Variants in NCALD observed in about 807,000 individuals in gnomAD.
NCALD encodes neurocalcin delta.
A neutral mutation model predicts 18.6 loss-of-function variants in NCALD; 10 were observed. That is an observed-to-expected ratio of 0.54 (90% CI 0.33 to 0.91). The LOEUF (loss-of-function observed/expected upper bound fraction) is 0.91. Ranked by LOEUF, NCALD falls within the 40% of genes least tolerant of loss-of-function variation. NCALD has a pLI of 0.03. For missense variants in NCALD, 184 were observed against 247.6 expected (o/e 0.74, Z 1.72); for synonymous variants, 88 against 87.4 (o/e 1.01, Z -0.04).
chr8:101,897,315 A>G (rs1163882125), intron 3 of NCALD, among the ~76,000 whole-genome samples: 1 of 148,500 alleles, frequency 6.7e-6, no homozygotes, highest in Non-Finnish European at 1.5e-5. Flanking sequence ...GAATTTAACA[A>G]TGAGATCACA....
chr8:102,023,276 A>C (rs1402553892), intron 1 of NCALD, among the ~76,000 whole-genome samples: 2 of 152,258 alleles, frequency 1.3e-5, no homozygotes. Context: ...CCAACTAGGC[A>C]ACACTGGCCA....
chr8:102,078,932 T>G (rs995221780), intron 1 of NCALD, among the ~76,000 whole-genome samples: 18 of 152,184 alleles, frequency 1.2e-4, no homozygotes, highest in African/African-American at 3.6e-4. Flanking sequence ...TATTAATACT[T>G]GGTAAATGAA....
At chr8:101,771,681 CA>C (rs1468901623) in intron 1 of NCALD, among the ~76,000 whole-genome samples, 1 of 152,074 alleles carries the variant, frequency 6.6e-6, no homozygotes, top group South Asian at 2.1e-4. Flanking sequence ...GTGAAATGGG[CA>C]AGGTTATTAT....
intron 2 of NCALD, among the ~76,000 whole-genome samples, chr8:102,019,266 C>A (rs902516694): frequency 6.6e-6 from 1 of 152,020 alleles, no homozygotes; most frequent in Admixed American, 6.6e-5. Flanking sequence ...ACAGAAAACA[C>A]CTTGTTTTGG....
At chr8:102,006,807 C>T (rs1489497344) in intron 2 of NCALD, among the ~76,000 whole-genome samples, 2 of 152,168 alleles carry the variant, frequency 1.3e-5, no homozygotes, top group African/African-American at 4.8e-5. Flanking sequence ...CTTATTTGTT[C>T]GTTTATTTCT....
intron 1 of NCALD, among the ~76,000 whole-genome samples, chr8:102,081,477 G>A (rs371500187): frequency 6.9e-6 from 1 of 145,712 alleles, no homozygotes; most frequent in East Asian, 2.1e-4. Context: ...AACGGGCCCT[G>A]GGCTTCAAAA....
intron 1 of NCALD, among the ~76,000 whole-genome samples, chr8:102,086,248 A>G (rs190415521): frequency 1.2e-3 from 177 of 152,338 alleles, no homozygotes; most frequent in African/African-American, 4.1e-3. Context: ...ACAGTGTATG[A>G]TTGGAAAAAT....
chr8:101,811,415 A>T (rs1813300179), intron 4 of NCALD, among the ~76,000 whole-genome samples: 3 of 152,144 alleles, frequency 2.0e-5, no homozygotes, highest in African/African-American at 7.2e-5. Context: ...GAGGCTACAG[A>T]ATTGAACAAA....
chr8:101,899,511 G>T (rs1252152730), intron 3 of NCALD, among the ~76,000 whole-genome samples: 1 of 151,890 alleles, frequency 6.6e-6, no homozygotes, highest in African/African-American at 2.4e-5. Context: ...TACAATGTTA[G>T]CTATAGGCGT....
chr8:102,062,896 G>C (rs188715109), intron 1 of NCALD, among the ~76,000 whole-genome samples: 9 of 152,060 alleles, frequency 5.9e-5, no homozygotes, highest in African/African-American at 1.9e-4. Flanking sequence ...ATAGAGGTGG[G>C]GTCAGAGAGG....
chr8:101,856,198 G>T (rs1238665419), intron 4 of NCALD, among the ~76,000 whole-genome samples: 1 of 152,094 alleles, frequency 6.6e-6, no homozygotes, highest in Admixed American at 6.5e-5. Flanking sequence ...TTAAGACAGG[G>T]TCTTGCTCTG....
intron 3 of NCALD, among the ~76,000 whole-genome samples, chr8:101,896,219 C>A (rs1418789523): frequency 6.6e-6 from 1 of 152,072 alleles, no homozygotes; most frequent in Non-Finnish European, 1.5e-5. Context: ...CACATATCTA[C>A]AACCATCTGA....
intron 4 of NCALD, among the ~76,000 whole-genome samples, chr8:101,830,130 T>C (rs776108624): frequency 1.2e-4 from 18 of 152,178 alleles, no homozygotes; most frequent in Non-Finnish European, 1.6e-4. Context: ...TCTTTCCGTT[T>C]GGATGTCGTG....
At chr8:102,119,817 T>A (rs1825892161) in intron 1 of NCALD, among the ~76,000 whole-genome samples, 1 of 152,214 alleles carries the variant, frequency 6.6e-6, no homozygotes, top group African/African-American at 2.4e-5. Context: ...GGACTAGATC[T>A]TATTCAGCCT....
chr8:101,724,898 A>G (rs1459926283), intron 1 of NCALD, among the ~76,000 whole-genome samples: 1 of 152,216 alleles, frequency 6.6e-6, no homozygotes, highest in African/African-American at 2.4e-5. Context: ...ACAATCCATA[A>G]AAAGTCAGAA....
At chr8:101,719,034 A>T (rs1254922609) in intron 2 of NCALD, among the ~76,000 whole-genome samples, 1 of 152,154 alleles carries the variant, frequency 6.6e-6, no homozygotes, top group Non-Finnish European at 1.5e-5. Flanking sequence ...GAGTCCCACT[A>T]GTCTAGTTTT....
intron 2 of NCALD, among the ~76,000 whole-genome samples, chr8:101,920,326 G>A (rs996819879): frequency 2.6e-5 from 4 of 152,052 alleles, no homozygotes; most frequent in African/African-American, 9.7e-5. Flanking sequence ...AAAACTTTAA[G>A]AAAGTTCTTA....
rs111743314 is a variant in NCALD, at chr8:101,809,545, T to A, written c.-20+77596A>T. On this transcript the variant is annotated intron_variant, in intron 4 of 6. Transcript: ENST00000311028. ...TAGAATCTGTGTTTTTGCTCTTTTT[T>A]AATTTCTATTTATTTATTTGAGACA... Among the ~76,000 whole-genome samples, 879 of 152,308 alleles carry A rather than the reference T, an allele frequency of 5.8e-3. 11 individuals carry two copies. Among genetic ancestry groups the A allele is most frequent in the African/African-American group, 0.018 (767 of 41,572 alleles).
At chr8:101,746,920 A>T (rs1393500700) in intron 1 of NCALD, among the ~76,000 whole-genome samples, 4 of 152,052 alleles carry the variant, frequency 2.6e-5, no homozygotes, top group African/African-American at 9.7e-5. Flanking sequence ...ACAACCTGGA[A>T]TTGTTCCTCT....
Sources: gnomAD v4.1 joint callset for allele counts (sites outside exome capture counted in the v4.1 genomes callset) on GRCh38, gnomAD v4.1.1 for gene constraint, MANE v1.5 for transcripts, NCBI Gene and HGNC (gene_info 2026-07-23, HGNC 2026-07-21) for gene names.